The following WDR72 variants were observed in gnomAD, a reference collection of about 807,000 sequenced individuals.
The protein encoded by WDR72 is WD repeat-containing protein 72.
A neutral mutation model predicts 124.2 loss-of-function variants in WDR72; 120 were observed. That is an observed-to-expected ratio of 0.97 (90% CI 0.83 to 1.12). The LOEUF (loss-of-function observed/expected upper bound fraction) is 1.12, where lower values mean the gene tolerates loss of function less well. WDR72 is among the 50% of genes most tolerant of loss of function. The probability of loss-of-function intolerance (pLI) is 0.00; values close to 1 mark genes in which losing one functional copy is unlikely to be tolerated. For synonymous variants in WDR72, 452 were observed against 441.7 expected (o/e 1.02, Z -0.29); for missense variants, 1,387 against 1,278.8 (o/e 1.08, Z -1.29).
chr15:53,754,914 A>G (rs921052863), intron 1 of WDR72, among the ~76,000 whole-genome samples: 4 of 152,236 alleles, frequency 2.6e-5, no homozygotes, highest in Non-Finnish European at 4.4e-5. Context: ...TTCTTCATCC[A>G]CAATCAATAA....
chr15:53,639,432 G>A (rs2014748230), intron 14 of WDR72, among the ~76,000 whole-genome samples: 1 of 143,826 alleles, frequency 7.0e-6, no homozygotes, highest in Non-Finnish European at 1.5e-5. Flanking sequence ...GGGCAACATA[G>A]CAAGACCTCG....
intron 17 of WDR72, among the ~76,000 whole-genome samples, chr15:53,609,068 G>C (rs1041987509): frequency 6.6e-6 from 1 of 151,970 alleles, no homozygotes. Flanking sequence ...TCTGTGATGT[G>C]ATAATTAGGC....
intron 15 of WDR72, among the ~76,000 whole-genome samples, chr15:53,614,133 C>T (rs2013663336): frequency 6.6e-6 from 1 of 152,014 alleles, no homozygotes; most frequent in African/African-American, 2.4e-5. Flanking sequence ...AAAGAATTAT[C>T]CTCAGGTATC....
intron 8 of WDR72, 182 bp downstream of exon 8, chr15:53,711,154 C>T: frequency 1.1e-6 from 1 of 916,590 alleles, no homozygotes; most frequent in Non-Finnish European, 1.7e-6. Flanking sequence ...TCTCATTCCT[C>T]CATCCCCTGC....
intron 14 of WDR72, 119 bp downstream of exon 14, chr15:53,665,453 A>G: frequency 2.8e-6 from 3 of 1,087,444 alleles, no homozygotes; most frequent in Non-Finnish European, 2.8e-6. Context: ...TGGTAGATGC[A>G]GCAGTCTCTT....
chr15:53,719,058 C>A (rs2017798888), intron 3 of WDR72, among the ~76,000 whole-genome samples: 1 of 152,080 alleles, frequency 6.6e-6, no homozygotes, highest in Non-Finnish European at 1.5e-5. Flanking sequence ...CACCATTCTT[C>A]CATACACTTT....
intron 13 of WDR72, among the ~76,000 whole-genome samples, chr15:53,671,285 T>C (rs574364034): frequency 1.3e-4 from 20 of 152,348 alleles, no homozygotes; most frequent in African/African-American, 4.8e-4. Flanking sequence ...AATTTTTTCC[T>C]GCTAGCTCTA....
intron 13 of WDR72, among the ~76,000 whole-genome samples, chr15:53,677,705 G>T (rs887755193): frequency 4.6e-5 from 7 of 152,102 alleles, no homozygotes; most frequent in Non-Finnish European, 4.4e-5. Flanking sequence ...CAGACACGTG[G>T]AACTGTGAGT....
At chr15:53,729,809 A>T (rs1027022404) in intron 2 of WDR72, among the ~76,000 whole-genome samples, 2 of 152,094 alleles carry the variant, frequency 1.3e-5, no homozygotes, top group African/African-American at 2.4e-5. Context: ...CAAAAAAAAA[A>T]ATAAAGTAAC....
chr15:53,756,317 T>C (rs1425674132), intron 1 of WDR72, among the ~76,000 whole-genome samples: 2 of 152,172 alleles, frequency 1.3e-5, no homozygotes, highest in Non-Finnish European at 2.9e-5. Flanking sequence ...TCCGCCAGGA[T>C]TGTAAGTTTC....
intron 18 of WDR72, among the ~76,000 whole-genome samples, chr15:53,547,261 T>C (rs1051472489): frequency 6.6e-6 from 1 of 152,158 alleles, no homozygotes; most frequent in African/African-American, 2.4e-5. Flanking sequence ...GCCTCCCGAG[T>C]TGCCGGGATT....
chr15:53,701,764 C>T (rs899711387), intron 12 of WDR72, among the ~76,000 whole-genome samples: 4 of 151,850 alleles, frequency 2.6e-5, no homozygotes, highest in African/African-American at 9.7e-5. Context: ...TATTGTTTGA[C>T]TTGTTTTTGC....
intron 14 of WDR72, among the ~76,000 whole-genome samples, chr15:53,629,495 T>A (rs941341181): frequency 4.0e-5 from 6 of 151,032 alleles, no homozygotes; most frequent in Non-Finnish European, 7.4e-5. Context: ...AAAGTAAAAA[T>A]AAAATGAATA....
chr15:53,591,274 T>C (rs1050651921), intron 18 of WDR72, among the ~76,000 whole-genome samples: 7 of 152,074 alleles, frequency 4.6e-5, no homozygotes, highest in Non-Finnish European at 7.4e-5. Flanking sequence ...GAATTTCAGT[T>C]TGTTAGTTTG....
intron 13 of WDR72, among the ~76,000 whole-genome samples, chr15:53,678,494 C>G (rs532151002): frequency 1.3e-5 from 2 of 152,264 alleles, no homozygotes; most frequent in African/African-American, 4.8e-5. Context: ...TCTACCCTAT[C>G]CCTTCTTACT....
intron 17 of WDR72, 77 bp downstream of exon 17, chr15:53,609,436 A>G: frequency 7.9e-7 from 1 of 1,273,250 alleles, no homozygotes; most frequent in Non-Finnish European, 1.1e-6. Context: ...TTGTATTTTC[A>G]GATAGAGGGG....
At chr15:53,520,486 A>G (rs1299883616) in intron 19 of WDR72, among the ~76,000 whole-genome samples, 1 of 152,084 alleles carries the variant, frequency 6.6e-6, no homozygotes, top group Admixed American at 6.6e-5. Context: ...ATTCAGAATT[A>G]AATGCACTCT....
intron 1 of WDR72, among the ~76,000 whole-genome samples, chr15:53,741,032 C>G (rs944568593): frequency 1.2e-4 from 18 of 152,134 alleles, no homozygotes; most frequent in African/African-American, 4.3e-4. Flanking sequence ...TTGCTTTATT[C>G]TTATTCAAAT....
rs886051301 is a variant in WDR72 at position 53,705,129 on chromosome 15, C to T, written c.1207G>A (p.Gly403Arg). 9.9e-6 allele frequency: 16 copies of T among 1,614,114 alleles called. No individual in the cohort carries two copies. In the Middle Eastern group the frequency reaches 9.9e-4, roughly 100 times the overall value. Reference protein sequence around the residue: ...DYFSGLKDGAGTAVVTSSEYI... With the variant: ...DYFSGLKDGARTAVVTSSEYI... ...TCTGATGAAGTGACTACAGCAGTTC[C>T]TGCCCCATCTTTAAGCCCAGAGAAA... The change falls in exon 11 of 20, where the codon GGA becomes AGA. Residue 403 changes from glycine to arginine, a missense_variant. Transcript: ENST00000360509.
Sources: allele counts gnomAD v4.1 joint callset (sites outside exome capture counted in the v4.1 genomes callset), GRCh38; gene constraint gnomAD v4.1.1; transcripts MANE v1.5; gene names NCBI Gene and HGNC (gene_info 2026-07-23, HGNC 2026-07-21).